The following KCNH7 variants were observed in gnomAD, a reference collection of about 807,000 sequenced individuals.
The protein encoded by KCNH7 is voltage-gated inwardly rectifying potassium channel KCNH7.
KCNH7 carries 49 observed loss-of-function variants against 120.8 expected under a neutral mutation model. The observed-to-expected ratio is 0.41, with a 90% CI of 0.32 to 0.51. The LOEUF is 0.51. KCNH7 is among the 20% of genes least tolerant of loss of function. The pLI, the probability that KCNH7 is intolerant of heterozygous loss-of-function variation, is 0.38. For missense variants in KCNH7, 1,097 were observed against 1,446.6 expected, an observed-to-expected ratio of 0.76 and a Z score of 3.92; for synonymous variants, 547 against 516.1, an observed-to-expected ratio of 1.06 and a Z score of -0.81.
At chr2:162,548,861 C>T (rs192255685) in intron 2 of KCNH7, among the ~76,000 whole-genome samples, 1 of 152,170 alleles carries the variant, frequency 6.6e-6, no homozygotes, top group East Asian at 1.9e-4. Flanking sequence ...AAAACATTGC[C>T]TTGTATACTG....
intron 2 of KCNH7, among the ~76,000 whole-genome samples, chr2:162,689,294 G>A (rs1686017355): frequency 1.3e-5 from 2 of 152,008 alleles, no homozygotes; most frequent in South Asian, 4.1e-4. Flanking sequence ...GGGATTACAG[G>A]CATCCACCAC....
intron 2 of KCNH7, among the ~76,000 whole-genome samples, chr2:162,678,179 G>T (rs992468393): frequency 5.9e-5 from 9 of 151,324 alleles, no homozygotes; most frequent in African/African-American, 1.9e-4. Flanking sequence ...TAGATCACAT[G>T]ATGGCTGAGA....
chr2:162,483,448 G>A lies in KCNH7; in HGVS notation c.1128+20995C>T, dbSNP rs558182475. ...TAGAATGGAAGAGGGATTCTGCAGT[G>A]TGGAACTACCATTATTGGCAACATT... On this transcript the variant is annotated intron_variant, in intron 6 of 15. Transcript: ENST00000332142. Among the ~76,000 whole-genome samples, 9 of 152,144 alleles carry A rather than the reference G, an allele frequency of 5.9e-5. No individual in the cohort carries two copies. The South Asian group carries it at 1.9e-3, about 32-fold the overall frequency.
At position 162,466,611 on chromosome 2, in the gene KCNH7, T is replaced by G. The variant is rs371391777; in HGVS notation, c.1129-20168A>C. On this transcript the variant is annotated intron_variant, in intron 6 of 15. Coordinates refer to ENST00000332142, the MANE Select transcript of KCNH7 (RefSeq NM_033272.4). The stretch of plus-strand genomic sequence containing the variant: ...AGAAACACATTTCTGTGATTTGTTG[T>G]GTTTTCCATAGATGCAGAATGATGA... Among the ~76,000 whole-genome samples the G allele has an allele frequency of 1.4e-4, 21 of 152,328 alleles. No individual in the cohort carries two copies. In the South Asian group the frequency reaches 3.5e-3, roughly 26 times the overall value.
At chr2:162,672,456 C>T (rs554059724) in intron 2 of KCNH7, among the ~76,000 whole-genome samples, 16 of 151,902 alleles carry the variant, frequency 1.1e-4, no homozygotes, top group African/African-American at 1.4e-4. Context: ...TACTTGAAAA[C>T]GACCAATAAC....
chr2:162,483,099 G>T (rs1052706140), intron 6 of KCNH7, among the ~76,000 whole-genome samples: 1 of 152,120 alleles, frequency 6.6e-6, no homozygotes, highest in African/African-American at 2.4e-5. Flanking sequence ...AGGATAAATT[G>T]CAAAGTATAT....
chr2:162,734,868 G>A (rs1480647355), intron 2 of KCNH7, among the ~76,000 whole-genome samples: 1 of 152,150 alleles, frequency 6.6e-6, no homozygotes, highest in Non-Finnish European at 1.5e-5. Context: ...ACTGGAGAGA[G>A]TGGTGTTAAA....
chr2:162,645,714 A>G (rs777006948), intron 2 of KCNH7, among the ~76,000 whole-genome samples: 9 of 152,172 alleles, frequency 5.9e-5, no homozygotes, highest in Non-Finnish European at 8.8e-5. Context: ...AAGTCAATTC[A>G]TTATTTTTCA....
At chr2:162,809,053 A>C (rs1684644134) in intron 2 of KCNH7, among the ~76,000 whole-genome samples, 1 of 152,204 alleles carries the variant, frequency 6.6e-6, no homozygotes, top group South Asian at 2.1e-4. Context: ...TACAGACAGA[A>C]ATCTGAGTCA....
At chr2:162,781,250 TAA>T (rs1013022215) in intron 2 of KCNH7, among the ~76,000 whole-genome samples, 1 of 152,012 alleles carries the variant, frequency 6.6e-6, no homozygotes, top group African/African-American at 2.4e-5. Context: ...CTCATCCCCA[TAA>T]AAGCCTCATT....
At chr2:162,732,587 G>A (rs1334175389) in intron 2 of KCNH7, among the ~76,000 whole-genome samples, 1 of 152,052 alleles carries the variant, frequency 6.6e-6, no homozygotes, top group Non-Finnish European at 1.5e-5. Flanking sequence ...AGAATCCTGT[G>A]GTCTGCATTT....
At chr2:162,697,686 T>C (rs1012854433) in intron 2 of KCNH7, among the ~76,000 whole-genome samples, 1 of 152,084 alleles carries the variant, frequency 6.6e-6, no homozygotes, top group African/African-American at 2.4e-5. Context: ...TAACAATTCA[T>C]AATGCTAAAC....
intron 2 of KCNH7, among the ~76,000 whole-genome samples, chr2:162,543,048 G>T (rs1205380866): frequency 6.6e-6 from 1 of 152,212 alleles, no homozygotes; most frequent in Admixed American, 6.5e-5. Context: ...GCATGTGGGA[G>T]GCTTGTGGCC....
chr2:162,402,107 T>C (rs984081140), intron 9 of KCNH7, among the ~76,000 whole-genome samples: 2 of 151,482 alleles, frequency 1.3e-5, no homozygotes, highest in African/African-American at 2.4e-5. Context: ...ACTGTTGGGC[T>C]TGGTCTACAT....
chr2:162,730,707 A>G (rs1687693586), intron 2 of KCNH7, among the ~76,000 whole-genome samples: 5 of 152,078 alleles, frequency 3.3e-5, no homozygotes, highest in Admixed American at 3.3e-4. Flanking sequence ...CAAGAAACTC[A>G]CTGATTCACC....
chr2:162,611,234 G>GTAT (rs1303958952), intron 2 of KCNH7, among the ~76,000 whole-genome samples: 1 of 152,198 alleles, frequency 6.6e-6, no homozygotes, highest in Non-Finnish European at 1.5e-5. Context: ...CAATGACATA[G>GTAT]TATTCCCTAG....
intron 6 of KCNH7, among the ~76,000 whole-genome samples, chr2:162,474,526 T>G (rs1384134619): frequency 6.6e-6 from 1 of 152,252 alleles, no homozygotes; most frequent in Non-Finnish European, 1.5e-5. Flanking sequence ...CATGTCTTTA[T>G]GTAATCCCTT....
intron 8 of KCNH7, among the ~76,000 whole-genome samples, chr2:162,428,150 A>C (rs1687927786): frequency 6.6e-6 from 1 of 151,558 alleles, no homozygotes; most frequent in African/African-American, 2.4e-5. Flanking sequence ...TAGATTTATC[A>C]CTAAAAAATG....
Position 162,389,729 on chromosome 2 carries a change from C to T in KCNH7, c.2710+4660G>A, listed in dbSNP as rs923098940. Among the ~76,000 whole-genome samples, 12 of 152,018 alleles carry T rather than the reference C, an allele frequency of 7.9e-5. 1 individual carries two copies. Among genetic ancestry groups the T allele is most frequent in the Non-Finnish European group, 1.8e-4 (12 of 67,950 alleles). ...ATAAAACCAATAGAGTAAAAAGTTT[C>T]CTCTTCCAGGTCCTCTTTTTTCTAC... On this transcript the variant is annotated intron_variant, in intron 12 of 15. Coordinates refer to ENST00000332142, the MANE Select transcript of KCNH7 (RefSeq NM_033272.4).
Sources: allele counts gnomAD v4.1 joint callset (sites outside exome capture counted in the v4.1 genomes callset), GRCh38; gene constraint gnomAD v4.1.1; transcripts MANE v1.5; gene names NCBI Gene and HGNC (gene_info 2026-07-23, HGNC 2026-07-21).